The following FGF14 variants were observed in gnomAD, a reference collection of about 807,000 sequenced individuals.
FGF14 encodes fibroblast growth factor homologous factor 4.
In FGF14, 5 loss-of-function variants were observed where a neutral mutation model predicts 25.5. The ratio of observed to expected loss-of-function variants is 0.20; its 90% CI spans 0.10 to 0.41. The LOEUF (loss-of-function observed/expected upper bound fraction) is 0.41. Ranked by LOEUF, FGF14 falls within the 10% of genes least tolerant of loss-of-function variation. The pLI, the probability that FGF14 is intolerant of heterozygous loss-of-function variation, is 1.00. For missense variants in FGF14, 222 were observed against 320.1 expected (o/e 0.69, Z 2.34); for synonymous variants, 138 against 118.3 (o/e 1.17, Z -1.08).
intron 1 of FGF14, among the ~76,000 whole-genome samples, chr13:101,985,490 C>G (rs944610812): frequency 2.0e-5 from 3 of 152,022 alleles, no homozygotes; most frequent in African/African-American, 7.2e-5. Flanking sequence ...CCCATTATTT[C>G]AGTATCTTGC....
At chr13:101,989,457 T>C (rs953969272) in intron 1 of FGF14, among the ~76,000 whole-genome samples, 1 of 152,120 alleles carries the variant, frequency 6.6e-6, no homozygotes, top group African/African-American at 2.4e-5. Flanking sequence ...TAACGTGTTT[T>C]CTATACCTCA....
At chr13:102,087,575 C>CTTTTT (rs1166446102) in intron 1 of FGF14, among the ~76,000 whole-genome samples, 23 of 79,862 alleles carry the variant, frequency 2.9e-4, no homozygotes, top group South Asian at 5.5e-4. Flanking sequence ...CCATGCCTGG[C>CTTTTT]TTTTTTTTTT....
chr13:102,061,148 C>T (rs1359598169), intron 1 of FGF14, among the ~76,000 whole-genome samples: 1 of 152,232 alleles, frequency 6.6e-6, no homozygotes, highest in Non-Finnish European at 1.5e-5. Context: ...ACTCATTCTC[C>T]AAGCCCTTAT....
rs1310401977 is a variant in FGF14 at position 101,720,540 on chromosome 13, G to A, written c.*2291C>T. ...ATGGGGGTGTTTGCTCTGTGTGTGT[G>A]TGTGTGTGTGTGTGTGTGTGTGTGT... On this transcript the variant is annotated 3_prime_UTR_variant, in exon 5 of 5. Coordinates refer to ENST00000376143, the MANE Select transcript of FGF14 (RefSeq NM_004115.4). The A allele has an allele frequency of 6.9e-6, 1 of 145,136 alleles. No individual in the cohort carries two copies. Among genetic ancestry groups the A allele is most frequent in the Admixed American group, 6.8e-5 (1 of 14,670 alleles). The allele number at this position is 145,136 out of a possible 1,614,324, so 9.0% of individuals were successfully genotyped here.
At chr13:101,936,714 C>T (rs1005728305) in intron 1 of FGF14, among the ~76,000 whole-genome samples, 3 of 152,178 alleles carry the variant, frequency 2.0e-5, no homozygotes, top group African/African-American at 7.2e-5. Flanking sequence ...GCAATGAATG[C>T]TATTTGTTCA....
At chr13:102,135,047 ACACACACAC>A (rs2046351607) in intron 1 of FGF14, among the ~76,000 whole-genome samples, 1 of 151,314 alleles carries the variant, frequency 6.6e-6, no homozygotes, top group African/African-American at 2.4e-5. Flanking sequence ...ACACACACAC[ACACACACAC>A]ACACAAATCC....
At chr13:101,770,064 A>G (rs916032169) in intron 3 of FGF14, among the ~76,000 whole-genome samples, 3 of 152,136 alleles carry the variant, frequency 2.0e-5, no homozygotes, top group African/African-American at 7.2e-5. Flanking sequence ...GGCAAGGGGC[A>G]TAAGGGGAAT....
intron 3 of FGF14, among the ~76,000 whole-genome samples, chr13:101,788,588 A>T (rs1379181863): frequency 6.6e-6 from 1 of 151,982 alleles, no homozygotes; most frequent in East Asian, 1.9e-4. Flanking sequence ...TGACTTCGAC[A>T]TTACATGCTT....
At chr13:101,934,914 G>A (rs2035001463) in intron 1 of FGF14, among the ~76,000 whole-genome samples, 1 of 152,098 alleles carries the variant, frequency 6.6e-6, no homozygotes, top group Non-Finnish European at 1.5e-5. Flanking sequence ...AATATGAGAT[G>A]TACCCTCTTA....
intron 1 of FGF14, among the ~76,000 whole-genome samples, chr13:101,925,133 A>G (rs1008212933): frequency 2.0e-5 from 3 of 152,238 alleles, no homozygotes; most frequent in Non-Finnish European, 2.9e-5. Context: ...ACATTTTCTG[A>G]CTATAAAAGT....
At chr13:101,796,182 T>A (rs1235384063) in intron 3 of FGF14, among the ~76,000 whole-genome samples, 2 of 152,152 alleles carry the variant, frequency 1.3e-5, no homozygotes, top group African/African-American at 4.8e-5. Context: ...TTAATATTTT[T>A]AAGTTATATG....
At chr13:102,302,599 G>T (rs1258763155) in intron 1 of FGF14, among the ~76,000 whole-genome samples, 1 of 152,046 alleles carries the variant, frequency 6.6e-6, no homozygotes, top group Non-Finnish European at 1.5e-5. Flanking sequence ...TCTCTTAAAA[G>T]CTTCTTAAAT....
At chr13:101,748,270 T>TCA in intron 3 of FGF14, among the ~76,000 whole-genome samples, 1 of 151,890 alleles carries the variant, frequency 6.6e-6, no homozygotes, top group East Asian at 1.9e-4. Context: ...TATATATGTA[T>TCA]CACACACACA....
chr13:101,868,575 A>C (rs1425858556), intron 3 of FGF14, 150 bp downstream of exon 3: 3 of 692,544 alleles, frequency 4.3e-6, no homozygotes, highest in Non-Finnish European at 5.3e-6. Flanking sequence ...CTGGTGAATA[A>C]TAAACAGCTT....
chr13:102,392,045 A>G (rs2139236083), intron 1 of FGF14, among the ~76,000 whole-genome samples: 1 of 152,342 alleles, frequency 6.6e-6, no homozygotes, highest in South Asian at 2.1e-4. Context: ...TCCACACAGG[A>G]AGTGGAAAGA....
chr13:101,748,100 G>T (rs542333454), intron 3 of FGF14, among the ~76,000 whole-genome samples: 2 of 151,998 alleles, frequency 1.3e-5, no homozygotes, highest in Non-Finnish European at 2.9e-5. Context: ...ATTCAATCCA[G>T]CAATCCCACT....
At chr13:102,373,518 T>C (rs1216085803) in intron 1 of FGF14, 1 of 152,268 alleles carries the variant, frequency 6.6e-6, no homozygotes, top group East Asian at 1.9e-4. Flanking sequence ...AAAGTAAAAT[T>C]TGAAAATGAT....
intron 1 of FGF14, among the ~76,000 whole-genome samples, chr13:102,051,295 A>C (rs1353579418): frequency 6.6e-6 from 1 of 152,144 alleles, no homozygotes; most frequent in Non-Finnish European, 1.5e-5. Context: ...CTGCTCCACA[A>C]GTATCCATGT....
intron 3 of FGF14, among the ~76,000 whole-genome samples, chr13:101,816,249 A>G (rs1350500639): frequency 1.5e-4 from 22 of 144,734 alleles, no homozygotes; most frequent in Middle Eastern, 3.5e-3. Flanking sequence ...CAACCTGGGG[A>G]ACAGAGAGAG....
Sources: gnomAD v4.1 joint callset for allele counts (sites outside exome capture counted in the v4.1 genomes callset) on GRCh38, gnomAD v4.1.1 for gene constraint, MANE v1.5 for transcripts, NCBI Gene and HGNC (gene_info 2026-07-23, HGNC 2026-07-21) for gene names.